Variants in GLCE observed in about 807,000 individuals in gnomAD.
GLCE encodes glucuronic acid epimerase, also known as D-glucuronyl C5-epimerase.
Under a neutral mutation model 47.9 loss-of-function variants are expected in GLCE, and 19 were observed. The ratio of observed to expected loss-of-function variants is 0.40; its 90% CI spans 0.28 to 0.58. The LOEUF (loss-of-function observed/expected upper bound fraction) is 0.58, where lower values mean the gene tolerates loss of function less well. Ranked by LOEUF, GLCE falls within the 20% of genes least tolerant of loss-of-function variation. The pLI is 0.48. For missense variants in GLCE, 556 were observed against 743.3 expected, an observed-to-expected ratio of 0.75 and a Z score of 2.93; for synonymous variants, 245 against 263.4, an observed-to-expected ratio of 0.93 and a Z score of 0.68.
intron 3 of GLCE, among the ~76,000 whole-genome samples, chr15:69,256,916 TC>T (rs1298586469): frequency 6.6e-6 from 1 of 152,212 alleles, no homozygotes; most frequent in Non-Finnish European, 1.5e-5. Context: ...CAGTAAGAGT[TC>T]CTTGTGGATA....
chr15:69,269,031 C>T lies in GLCE; in HGVS notation c.1641C>T (p.Ala547=), dbSNP rs2140461260. The change falls in exon 5 of 5, where the codon GCC becomes GCT. Residue 547 remains alanine (A), a synonymous_variant. Transcript: ENST00000261858. ...LYERGMESLK[A]MLPLYDTGSG... is the part of the protein sequence containing the mutation. ...AGCGTGGCATGGAATCTCTTAAAGC[C>T]ATGCTGCCCTTGTATGACACTGGCT... 6.2e-7 allele frequency: 1 copy of T among 1,614,130 alleles called. No homozygotes were observed.
At chr15:69,224,205 A>G (rs1403092465) in intron 2 of GLCE, among the ~76,000 whole-genome samples, 1 of 152,130 alleles carries the variant, frequency 6.6e-6, no homozygotes, top group Non-Finnish European at 1.5e-5. Context: ...TTCTCCTTTC[A>G]CTAGGGCTGG....
intron 2 of GLCE, among the ~76,000 whole-genome samples, chr15:69,222,605 C>G (rs1181366965): frequency 6.6e-6 from 1 of 152,284 alleles, no homozygotes; most frequent in Non-Finnish European, 1.5e-5. Context: ...GTTTCCTCCC[C>G]CTTCAGTCCT....
At chr15:69,203,427 T>G (rs2052104159) in intron 1 of GLCE, among the ~76,000 whole-genome samples, 1 of 152,136 alleles carries the variant, frequency 6.6e-6, no homozygotes, top group Non-Finnish European at 1.5e-5. Flanking sequence ...TTGATTATTA[T>G]TAATAAAACA....
At chr15:69,178,900 C>G (rs1264779326) in intron 1 of GLCE, among the ~76,000 whole-genome samples, 2 of 151,978 alleles carry the variant, frequency 1.3e-5, no homozygotes, top group Non-Finnish European at 2.9e-5. Flanking sequence ...TATAGCCACA[C>G]AATGGGATGT....
At chr15:69,219,779 T>C (rs969615072) in intron 2 of GLCE, among the ~76,000 whole-genome samples, 10 of 152,142 alleles carry the variant, frequency 6.6e-5, no homozygotes, top group African/African-American at 2.4e-4. Flanking sequence ...AAGTATATAG[T>C]TCAGTGGTAT....
intron 2 of GLCE, among the ~76,000 whole-genome samples, chr15:69,240,283 C>CAAAAAAAAA (rs545688611): frequency 5.4e-5 from 1 of 18,402 alleles, no homozygotes; most frequent in African/African-American, 3.5e-4. Flanking sequence ...GACTCCGTCT[C>CAAAAAAAAA]AAAAAAAAAA....
chr15:69,245,924 T>C (rs1426927499), intron 2 of GLCE, among the ~76,000 whole-genome samples: 2 of 152,064 alleles, frequency 1.3e-5, no homozygotes, highest in African/African-American at 4.8e-5. Context: ...AGACAGGGTT[T>C]CACCACGTTG....
At chr15:69,241,468 A>G (rs1595776828) in intron 2 of GLCE, among the ~76,000 whole-genome samples, 1 of 152,212 alleles carries the variant, frequency 6.6e-6, no homozygotes, top group East Asian at 1.9e-4. Flanking sequence ...TAACTCTTGA[A>G]TCACTGCTTT....
chr15:69,212,085 G>C (rs924280167), intron 2 of GLCE, among the ~76,000 whole-genome samples: 3 of 151,610 alleles, frequency 2.0e-5, no homozygotes, highest in Non-Finnish European at 4.4e-5. Flanking sequence ...ATAAAATTAA[G>C]CTGCAGAAGG....
chr15:69,212,300 A>C (rs2140377009), intron 2 of GLCE, among the ~76,000 whole-genome samples: 1 of 152,080 alleles, frequency 6.6e-6, no homozygotes, highest in African/African-American at 2.4e-5. Context: ...TCATATCTTA[A>C]GACATCTTTT....
intron 1 of GLCE, among the ~76,000 whole-genome samples, chr15:69,207,309 G>C (rs557410654): frequency 3.3e-5 from 5 of 151,952 alleles, no homozygotes; most frequent in Non-Finnish European, 5.9e-5. Context: ...CGGTTCTGTG[G>C]GTTTTGACAA....
At chr15:69,235,486 C>T (rs1442906302) in intron 2 of GLCE, among the ~76,000 whole-genome samples, 2 of 152,092 alleles carry the variant, frequency 1.3e-5, no homozygotes, top group African/African-American at 4.8e-5. Flanking sequence ...ATTATGAGTG[C>T]CTACTGTGTG....
At chr15:69,187,250 A>G (rs1242180564) in intron 1 of GLCE, among the ~76,000 whole-genome samples, 1 of 152,158 alleles carries the variant, frequency 6.6e-6, no homozygotes, top group Non-Finnish European at 1.5e-5. Context: ...TTGGGGCCAT[A>G]GCTTTTTCTA....
chr15:69,237,578 A>G (rs1168444216), intron 2 of GLCE, among the ~76,000 whole-genome samples: 2 of 152,080 alleles, frequency 1.3e-5, no homozygotes, highest in Non-Finnish European at 2.9e-5. Flanking sequence ...AGCCCAGGTG[A>G]CTGACAAGAC....
intron 2 of GLCE, among the ~76,000 whole-genome samples, chr15:69,253,600 A>T (rs183481526): frequency 2.5e-3 from 379 of 152,330 alleles, no homozygotes; most frequent in African/African-American, 8.7e-3. Flanking sequence ...ACTTTATTTT[A>T]AAAAAAGAAG....
At chr15:69,230,241 G>A (rs1354568747) in intron 2 of GLCE, among the ~76,000 whole-genome samples, 1 of 149,730 alleles carries the variant, frequency 6.7e-6, no homozygotes, top group Non-Finnish European at 1.5e-5. Context: ...AAAGTAAACA[G>A]ATGAAAAAAG....
intron 4 of GLCE, among the ~76,000 whole-genome samples, chr15:69,265,408 G>A (rs1303456399): frequency 6.6e-6 from 1 of 152,100 alleles, no homozygotes; most frequent in African/African-American, 2.4e-5. Context: ...ATGATGCCAG[G>A]AGGTTATTTA....
intron 1 of GLCE, among the ~76,000 whole-genome samples, chr15:69,188,877 TTAAA>T (rs2051872142): frequency 6.6e-6 from 1 of 152,228 alleles, no homozygotes; most frequent in Non-Finnish European, 1.5e-5. Context: ...ATAAAAAATT[TTAAA>T]TAAACTTTAT....
Sources: allele counts gnomAD v4.1 joint callset (sites outside exome capture counted in the v4.1 genomes callset), GRCh38; gene constraint gnomAD v4.1.1; transcripts MANE v1.5; gene names NCBI Gene and HGNC (gene_info 2026-07-23, HGNC 2026-07-21).